Variants in SHANK2 observed in about 807,000 individuals in gnomAD.
SHANK2 encodes the protein SH3 and multiple ankyrin repeat domains 2.
In SHANK2, 43 loss-of-function variants were observed where a neutral mutation model predicts 133.7. The observed-to-expected ratio is 0.32, with a 90% confidence interval of 0.25 to 0.41. The LOEUF (loss-of-function observed/expected upper bound fraction) is 0.41, where lower values mean the gene tolerates loss of function less well. Among genes scored for constraint, SHANK2 ranks in the 10% least tolerant of loss-of-function variants. SHANK2 has a pLI of 1.00. For synonymous variants in SHANK2, 1,017 were observed against 952.8 expected (o/e 1.07, Z -1.24); for missense variants, 1,994 against 2,235.8 (o/e 0.89, Z 2.18).
intron 17 of SHANK2, among the ~76,000 whole-genome samples, chr11:70,567,322 G>C (rs189025528): frequency 6.6e-6 from 1 of 152,248 alleles, no homozygotes; most frequent in Non-Finnish European, 1.5e-5. Context: ...CGGCTGACTG[G>C]TGTCCTTATA....
In SHANK2 at chr11:70,939,804, G is replaced by A. The variant is rs542039924; in HGVS notation, c.1108-43237C>T. On this transcript the variant is annotated intron_variant, in intron 10 of 25. Transcript: ENST00000601538. Reference sequence around the variant, plus strand: ...AGAAGAGATCAAGTCCCAATCCCTGGAGCCCATAAATAAGTGAACTTTGTC... The same window carrying A: ...AGAAGAGATCAAGTCCCAATCCCTGAAGCCCATAAATAAGTGAACTTTGTC... Among the ~76,000 whole-genome samples, 5 of 152,260 alleles carry A rather than the reference G, an allele frequency of 3.3e-5. No homozygotes were observed. In the South Asian group the frequency reaches 1.0e-3, roughly 32 times the overall value.
intron 17 of SHANK2, among the ~76,000 whole-genome samples, chr11:70,613,626 A>G (rs1218631876): frequency 2.6e-5 from 4 of 152,202 alleles, no homozygotes; most frequent in African/African-American, 4.8e-5. Context: ...TCCTCACCCC[A>G]GGATCTCAGG....
chr11:70,808,309 C>T (rs11605898), intron 12 of SHANK2, among the ~76,000 whole-genome samples: 1 of 152,042 alleles, frequency 6.6e-6, no homozygotes, highest in Admixed American at 6.6e-5. Flanking sequence ...TCAAGCGATT[C>T]TCCTGCCTCA....
In SHANK2 at chr11:71,056,533, A is replaced by G. The variant is rs1950922860; in HGVS notation, c.1055T>C (p.Phe352Ser). ...NQDSCARVLLFRGGNKELKNY... is the reference protein window; with the variant it reads ...NQDSCARVLLSRGGNKELKNY... The stretch of plus-strand genomic sequence containing the variant: ...TTTTAACTCCTTATTTCCGCCTCGA[A>G]ACAGAAGCACTCTTGCACAGCTGTC... The change falls in exon 10 of 26, where the codon TTT becomes TCT. Residue 352 changes from phenylalanine (F) to serine (S), a missense_variant. Phe to Ser is a radical substitution (Grantham distance 155). Around this residue, in one of 5 missense-constraint regions of SHANK2, gnomAD observed 653 missense variants for 563.4 expected, o/e 1.16. Transcript: ENST00000601538. The G allele has an allele frequency of 6.6e-6, 1 of 152,150 alleles. No individual in the cohort carries two copies. Among genetic ancestry groups the G allele is most frequent in the African/African-American group, 2.4e-5 (1 of 41,434 alleles). 9.4% of individuals were successfully genotyped at this position (152,150 alleles called of 1,614,324 possible).
At chr11:70,755,319 G>A (rs1179809280) in intron 14 of SHANK2, among the ~76,000 whole-genome samples, 1 of 152,204 alleles carries the variant, frequency 6.6e-6, no homozygotes, top group Non-Finnish European at 1.5e-5. Flanking sequence ...TGATCCACCT[G>A]CCTCGGCCTC....
At chr11:70,843,435 C>T (rs782109163) in intron 11 of SHANK2, among the ~76,000 whole-genome samples, 4 of 151,722 alleles carry the variant, frequency 2.6e-5, no homozygotes, top group East Asian at 3.9e-4. Context: ...AGCTGAAATT[C>T]GTATTGTGAG....
At chr11:71,061,854 C>A (rs1442938939) in intron 9 of SHANK2, among the ~76,000 whole-genome samples, 1 of 152,138 alleles carries the variant, frequency 6.6e-6, no homozygotes, top group Non-Finnish European at 1.5e-5. Context: ...CCTAGCCCTT[C>A]CCCCGCTCTG....
At chr11:70,492,206 T>G in intron 22 of SHANK2, 129 bp downstream of exon 22, 1 of 1,363,462 alleles carries the variant, frequency 7.3e-7, no homozygotes, top group Non-Finnish European at 1.0e-6. Context: ...GCCACTTAGA[T>G]TTGGGCCCCA....
chr11:70,849,477 G>A (rs1555064776), intron 11 of SHANK2, among the ~76,000 whole-genome samples: 1 of 152,184 alleles, frequency 6.6e-6, no homozygotes, highest in Non-Finnish European at 1.5e-5. Flanking sequence ...GCAGGCTGTG[G>A]CAGGCTAGTG....
At chr11:71,207,625 T>G (rs1954154016) in intron 2 of SHANK2, among the ~76,000 whole-genome samples, 1 of 152,242 alleles carries the variant, frequency 6.6e-6, no homozygotes, top group Non-Finnish European at 1.5e-5. Context: ...CTAATCTATT[T>G]TCAGTGCTTT....
chr11:71,063,036 A>G (rs1321763174), intron 9 of SHANK2, among the ~76,000 whole-genome samples: 2 of 151,038 alleles, frequency 1.3e-5, no homozygotes, highest in Non-Finnish European at 3.0e-5. Flanking sequence ...GTAAGAGAGA[A>G]AGAGAAAGAG....
intron 17 of SHANK2, among the ~76,000 whole-genome samples, chr11:70,525,373 C>G (rs1242010356): frequency 6.6e-6 from 1 of 152,180 alleles, no homozygotes; most frequent in Admixed American, 6.5e-5. Context: ...CAGCCCCTCT[C>G]CAAGAGTTAA....
At chr11:70,651,967 C>T (rs1290810514) in intron 17 of SHANK2, among the ~76,000 whole-genome samples, 2 of 152,234 alleles carry the variant, frequency 1.3e-5, no homozygotes, top group Non-Finnish European at 2.9e-5. Flanking sequence ...TCTCACAATA[C>T]CCCAAAAGGA....
intron 17 of SHANK2, among the ~76,000 whole-genome samples, chr11:70,586,506 G>A (rs1476743381): frequency 6.6e-6 from 1 of 152,092 alleles, no homozygotes; most frequent in Admixed American, 6.5e-5. Context: ...CTCAGAGCTG[G>A]GCAGCCTGGA....
At chr11:71,117,999 G>GTT (rs1952010695) in intron 4 of SHANK2, among the ~76,000 whole-genome samples, 1 of 152,196 alleles carries the variant, frequency 6.6e-6, no homozygotes, top group South Asian at 2.1e-4. Flanking sequence ...TGTAGTTAGT[G>GTT]TCAGAATTGA....
At chr11:70,927,627 A>G (rs1950446939) in intron 10 of SHANK2, among the ~76,000 whole-genome samples, 1 of 152,160 alleles carries the variant, frequency 6.6e-6, no homozygotes, top group Non-Finnish European at 1.5e-5. Flanking sequence ...AGACACAGGC[A>G]GGGTCCTGGT....
chr11:70,929,351 CGTGA>C (rs1950471467), intron 10 of SHANK2, among the ~76,000 whole-genome samples: 1 of 152,194 alleles, frequency 6.6e-6, no homozygotes, highest in African/African-American at 2.4e-5. Flanking sequence ...GTGACTTGCA[CGTGA>C]GTGTCAGTTC....
At chr11:70,932,146 T>A (rs995396780) in intron 10 of SHANK2, among the ~76,000 whole-genome samples, 3 of 152,236 alleles carry the variant, frequency 2.0e-5, no homozygotes, top group Admixed American at 2.0e-4. Flanking sequence ...TGTAGACATC[T>A]GGTTCTGGAC....
chr11:70,724,509 C>T (rs1555030096), intron 14 of SHANK2, among the ~76,000 whole-genome samples: 3 of 152,216 alleles, frequency 2.0e-5, no homozygotes, highest in Admixed American at 2.0e-4. Context: ...GCTAAGAGCA[C>T]TGTGAGCTCT....
Sources: allele counts gnomAD v4.1 joint callset (sites outside exome capture counted in the v4.1 genomes callset), GRCh38; gene constraint gnomAD v4.1.1; regional missense constraint gnomAD v4.1.1; transcripts MANE v1.5; gene names NCBI Gene and HGNC (gene_info 2026-07-23, HGNC 2026-07-21).